Variants in MAPT observed in about 807,000 individuals in gnomAD.
The protein encoded by MAPT is microtubule-associated protein tau.
Under a neutral mutation model 67.9 loss-of-function variants are expected in MAPT, and 34 were observed. The ratio of observed to expected loss-of-function variants is 0.50; its 90% CI spans 0.38 to 0.67. MAPT has a LOEUF of 0.67. Ranked by LOEUF, MAPT falls within the 30% of genes least tolerant of loss-of-function variation. MAPT has a pLI of 0.00. For synonymous variants in MAPT, 456 were observed against 464.5 expected, an observed-to-expected ratio of 0.98 and a Z score of 0.23; for missense variants, 881 against 1,115.2, an observed-to-expected ratio of 0.79 and a Z score of 2.99.
chr17:45,961,483 G>A (rs1370298634), intron 1 of MAPT, among the ~76,000 whole-genome samples: 1 of 152,174 alleles, frequency 6.6e-6, no homozygotes, highest in African/African-American at 2.4e-5. Context: ...ACTCCAGGAA[G>A]CCAGCAAACT....
intron 1 of MAPT, among the ~76,000 whole-genome samples, chr17:45,940,398 T>C (rs751304375): frequency 1.8e-4 from 27 of 152,320 alleles, no homozygotes; most frequent in South Asian, 1.7e-3. Context: ...AGAGTCCTCA[T>C]CTGTGAGTTG....
rs1391878257 is a variant in MAPT at position 45,920,083 on chromosome 17, C to T, written c.-18+25397C>T. ...GGGAACCTTCCAGATGAGCTGCAGG[C>T]GTGGAGCACAGGAGCCAGGGTGCTC... is the stretch of plus-strand genomic sequence containing the variant. On this transcript the variant is annotated intron_variant, in intron 1 of 12. Coordinates refer to ENST00000262410, the MANE Select transcript of MAPT (RefSeq NM_001377265.1). Among the ~76,000 whole-genome samples the T allele has an allele frequency of 2.0e-5, 3 of 152,240 alleles. No homozygotes were observed. In the East Asian group the frequency reaches 5.8e-4, roughly 29 times the overall value.
chr17:46,022,353 CAA>C lies in MAPT; in HGVS notation c.2287-1584_2287-1583del, dbSNP rs56222318. 1.1e-3 allele frequency among the ~76,000 whole-genome samples: 103 copies of C among 89,622 alleles called. 1 individual carries two copies. The highest frequency in any genetic ancestry group is 2.4e-3 in the African/African-American group (51 of 21,668). The allele number at this position is 89,622 out of a possible 152,430, so 58.8% of individuals were successfully genotyped here. ...TGGGTGACAAGGTGAATCTTTGTCT[CAA>C]AAAAAAAAAAAAAAAAAAGATAAAA... On this transcript the variant is annotated intron_variant, in intron 12 of 12. Coordinates refer to ENST00000262410, the MANE Select transcript of MAPT (RefSeq NM_001377265.1).
At chr17:46,006,817 G>A (rs2075460874) in intron 9 of MAPT, among the ~76,000 whole-genome samples, 1 of 152,014 alleles carries the variant, frequency 6.6e-6, no homozygotes, top group African/African-American at 2.4e-5. Flanking sequence ...CAGCTACTCG[G>A]GAGGCTGAGG....
chr17:45,914,489 G>A (rs1008993946), intron 1 of MAPT, among the ~76,000 whole-genome samples: 1 of 152,140 alleles, frequency 6.6e-6, no homozygotes, highest in Admixed American at 6.5e-5. Flanking sequence ...AGATCCTGTG[G>A]GTCAGTGAGA....
rs568273048 is a variant in MAPT at position 45,962,220 on chromosome 17, T to C, written c.-17-101T>C. ...AGAGAGGGTAGCAGGGAGGCTGAGA[T>C]CTGCCTGCCATGAACTGGGAGGAGA... On this transcript the variant is annotated intron_variant, in intron 1 of 12. Coordinates refer to ENST00000262410, the MANE Select transcript of MAPT (RefSeq NM_001377265.1). 5.2e-5 allele frequency: 51 copies of C among 977,406 alleles called. No individual in the cohort carries two copies. The South Asian group carries it at 6.8e-4, about 13-fold the overall frequency. The allele number at this position is 977,406 out of a possible 1,614,324, so 60.5% of individuals were successfully genotyped here.
intron 4 of MAPT, chr17:45,979,783 T>C (rs1159600769): frequency 1.3e-5 from 2 of 152,230 alleles, no homozygotes; most frequent in South Asian, 2.1e-4. Context: ...TTGAGTTTTT[T>C]CTACTGATTG....
Position 45,971,701 on chromosome 17 carries a change from T to C in MAPT, c.134-158T>C, listed in dbSNP as rs951991260. On this transcript the variant is annotated intron_variant, in intron 2 of 12. Coordinates refer to ENST00000262410, the MANE Select transcript of MAPT (RefSeq NM_001377265.1). The surrounding 1 kb of genome is among the most constrained non-coding windows in gnomAD (Gnocchi z 4.3). ...GTGTTGGCAGGGAGGGAGGTGGGGT[T>C]GGTCCCCTTTGTGGGTTTGTTGCGA... Among the ~76,000 whole-genome samples the C allele has an allele frequency of 6.6e-6, 1 of 152,116 alleles. No individual in the cohort carries two copies. The highest frequency in any genetic ancestry group is 2.4e-5 in the African/African-American group (1 of 41,424).
Position 46,010,348 on chromosome 17 carries a change from C to A in MAPT, c.2037C>A (p.Val679=), listed in dbSNP as rs1275756209. 13 of 1,582,268 alleles carry A rather than the reference C, an allele frequency of 8.2e-6. No individual in the cohort carries two copies. Among genetic ancestry groups the A allele is most frequent in the Non-Finnish European group, 8.6e-7 (1 of 1,163,242 alleles). Residue 679 remains valine (V), a synonymous_variant, in exon 10 of 13, where the codon GTC becomes GTA. Coordinates refer to ENST00000262410, the MANE Select transcript of MAPT (RefSeq NM_001377265.1). The surrounding 1 kb of genome is among the most constrained non-coding windows in gnomAD (Gnocchi z 4.7). ...IINKKLDLSN[V]QSKCGSKDNI... is the part of the protein sequence containing the mutation. ...ATAAGAAGCTGGATCTTAGCAACGT[C>A]CAGTCCAAGTGTGGCTCAAAGGATA...
chr17:45,962,232 G>C, intron 1 of MAPT, 89 bp from the exon 2 acceptor site: 1 of 1,107,722 alleles, frequency 9.0e-7, no homozygotes, highest in Non-Finnish European at 1.3e-6. Flanking sequence ...TGCCTGCCAT[G>C]AACTGGGAGG....
chr17:45,941,601 TCCTTCCCTCCCTCCCC>T (rs1434542964), intron 1 of MAPT, among the ~76,000 whole-genome samples: 1 of 131,910 alleles, frequency 7.6e-6, no homozygotes, highest in African/African-American at 2.9e-5. Context: ...CTTCCTTCCT[TCCTTCCCTCCCTCCCC>T]CCTTCCCTCC....
rs35156373 is a variant in MAPT at position 46,022,897 on chromosome 17, TGATA to T, written c.2287-1042_2287-1039del. On this transcript the variant is annotated intron_variant, in intron 12 of 12. Transcript: ENST00000262410. ...CTGGGCAAGTAGATAGGTAGATGAT[TGATA>T]GATAGATAGATAGATAAATAGATGG... Among the ~76,000 whole-genome samples the T allele has an allele frequency of 1.4e-3, 220 of 152,192 alleles. 2 individuals are homozygous for T. The South Asian group carries it at 0.021, about 14-fold the overall frequency.
At chr17:45,926,929 ATATATACACATATATATACATATATGTG>A (rs937372264) in intron 1 of MAPT, among the ~76,000 whole-genome samples, 3 of 111,968 alleles carry the variant, frequency 2.7e-5, no homozygotes, top group Non-Finnish European at 7.2e-5. Flanking sequence ...ATATATACAC[ATATATACACATATATATACATATATGTG>A]TATATATATA....
At chr17:45,923,956 A>G (rs1403420333) in intron 1 of MAPT, among the ~76,000 whole-genome samples, 1 of 152,260 alleles carries the variant, frequency 6.6e-6, no homozygotes, top group African/African-American at 2.4e-5. Context: ...AAATGAATTA[A>G]GATGGGTAAA....
At chr17:45,941,689 T>TCCTTCCTTCCTG (rs2067948503) in intron 1 of MAPT, among the ~76,000 whole-genome samples, 2 of 59,704 alleles carry the variant, frequency 3.3e-5, no homozygotes, top group Non-Finnish European at 6.1e-5. Context: ...CCTCCTTCCT[T>TCCTTCCTTCCTG]CCTTCCTTCC....
rs1226719501 is a variant in MAPT at position 45,996,624 on chromosome 17, G to A, written c.1958G>A (p.Gly653Asp). The A allele has an allele frequency of 6.2e-7, 1 of 1,613,956 alleles. No homozygotes were observed. Among genetic ancestry groups the A allele is most frequent in the Non-Finnish European group, 8.5e-7 (1 of 1,179,958 alleles). ...PDLKNVKSKI[G>D]STENLKHQPG... Reference sequence around the variant, plus strand: ...CTGAAGAATGTCAAGTCCAAGATCGGCTCCACTGAGAACCTGAAGCACCAG... The same window carrying A: ...CTGAAGAATGTCAAGTCCAAGATCGACTCCACTGAGAACCTGAAGCACCAG... Residue 653 changes from glycine (G) to aspartate (D), a missense_variant, in exon 9 of 13, where the codon GGC becomes GAC. By Grantham distance (94) the Gly-to-Asp change is moderately conservative. This residue lies in a region of MAPT where 45 missense variants were observed against 43.2 expected (regional missense o/e 1.04). Transcript: ENST00000262410. The surrounding 1 kb of genome is among the most constrained non-coding windows in gnomAD (Gnocchi z 4.5).
At chr17:46,017,490 A>G (rs1214042416) in intron 11 of MAPT, among the ~76,000 whole-genome samples, 1 of 91,906 alleles carries the variant, frequency 1.1e-5, no homozygotes, top group Non-Finnish European at 2.0e-5. Context: ...TTGTACTCTC[A>G]TTGCCCAGGC....
chr17:45,962,853 A>T (rs1406262123), intron 2 of MAPT, among the ~76,000 whole-genome samples: 2 of 152,160 alleles, frequency 1.3e-5, no homozygotes, highest in African/African-American at 4.8e-5. Context: ...TGAGCCCAGG[A>T]GTTCAAGGTT....
In MAPT at chr17:45,991,557, C is replaced by G. The variant is rs1273925499; in HGVS notation, c.1703C>G (p.Pro568Arg). 17 of 1,614,026 alleles carry G rather than the reference C, an allele frequency of 1.1e-5. No homozygotes were observed. Among genetic ancestry groups the G allele is most frequent in the African/African-American group, 1.3e-5 (1 of 74,910 alleles). The change falls in exon 8 of 13, where the codon CCG becomes CGG. Residue 568 changes from proline to arginine, a missense_variant. Physicochemically the swap from Pro to Arg is moderately radical, Grantham distance 103 (BLOSUM62 -2). Around this residue, in one of 6 missense-constraint regions of MAPT, gnomAD observed 687 missense variants for 766.1 expected, o/e 0.90. Coordinates refer to ENST00000262410, the MANE Select transcript of MAPT (RefSeq NM_001377265.1). ...GCCACCAGGATTCCAGCAAAAACCC[C>G]GCCCGCTCCAAAGACACCACCCAGC... The part of the protein sequence containing the change: ...ANATRIPAKT[P>R]PAPKTPPSSG...
Sources: allele counts gnomAD v4.1 joint callset (sites outside exome capture counted in the v4.1 genomes callset), GRCh38; gene constraint gnomAD v4.1.1; regional missense constraint gnomAD v4.1.1; non-coding constraint Gnocchi (gnomAD v3.1); transcripts MANE v1.5; gene names NCBI Gene and HGNC (gene_info 2026-07-23, HGNC 2026-07-21).